The following CDH8 variants were observed in gnomAD, a reference collection of about 807,000 sequenced individuals.
The protein encoded by CDH8 is cadherin 8, also known as cadherin-8.
In CDH8, 17 loss-of-function variants were observed where a neutral mutation model predicts 68.1. The ratio of observed to expected loss-of-function variants is 0.25; its 90% CI spans 0.17 to 0.37. CDH8 has a LOEUF of 0.37. CDH8 is among the 10% of genes least tolerant of loss of function. The pLI, the probability that CDH8 is intolerant of heterozygous loss-of-function variation, is 1.00. For synonymous variants in CDH8, 372 were observed against 365.1 expected, an observed-to-expected ratio of 1.02 and a Z score of -0.21; for missense variants, 763 against 999.3, an observed-to-expected ratio of 0.76 and a Z score of 3.19.
At chr16:61,660,433 A>C (rs1963533027) in intron 10 of CDH8, among the ~76,000 whole-genome samples, 1 of 152,024 alleles carries the variant, frequency 6.6e-6, no homozygotes, top group African/African-American at 2.4e-5. Context: ...AGAAAAAAAG[A>C]ATAAAGAGAA....
At chr16:61,959,982 GTGTATATATATA>G (rs1259221259) in intron 2 of CDH8, among the ~76,000 whole-genome samples, 3 of 31,066 alleles carry the variant, frequency 9.7e-5, no homozygotes, top group East Asian at 1.2e-3. Flanking sequence ...GTGTGTGTGT[GTGTATATATATA>G]TATATATATA....
chr16:61,713,786 G>T, intron 10 of CDH8, 55 bp downstream of exon 10: 2 of 907,884 alleles, frequency 2.2e-6, no homozygotes, highest in Non-Finnish European at 3.6e-6. Flanking sequence ...TTATGAAATT[G>T]CATCCTATTT....
At chr16:61,654,960 G>T (rs1345255538) in intron 11 of CDH8, among the ~76,000 whole-genome samples, 1 of 152,158 alleles carries the variant, frequency 6.6e-6, no homozygotes, top group African/African-American at 2.4e-5. Flanking sequence ...TTAAATTGAT[G>T]TTTATATGAA....
rs112588981 is a variant in CDH8 at position 62,005,475 on chromosome 16, C to T, written c.252+15677G>A. On this transcript the variant is annotated intron_variant, in intron 2 of 11. Transcript: ENST00000577390. ...CAGGGAGGCCGGGTGCTGTGGCTCA[C>T]GCCTGTAATCCCAGCACTTTGGGAG... Among the ~76,000 whole-genome samples, 1,133 of 150,008 alleles carry T rather than the reference C, an allele frequency of 7.6e-3. 12 individuals are homozygous for T. The highest frequency in any genetic ancestry group is 0.025 in the African/African-American group (1,013 of 40,800).
At chr16:61,673,585 T>C (rs978661574) in intron 10 of CDH8, among the ~76,000 whole-genome samples, 1 of 152,132 alleles carries the variant, frequency 6.6e-6, no homozygotes, top group Non-Finnish European at 1.5e-5. Context: ...GTACAATAAG[T>C]ATAACTCATG....
intron 8 of CDH8, among the ~76,000 whole-genome samples, chr16:61,729,335 T>C (rs1010678492): frequency 6.6e-6 from 1 of 151,294 alleles, no homozygotes; most frequent in Admixed American, 6.6e-5. Flanking sequence ...TAATTACTAC[T>C]ATCTCCTCAA....
chr16:61,835,805 T>C (rs953931476), intron 4 of CDH8, among the ~76,000 whole-genome samples: 6 of 151,994 alleles, frequency 3.9e-5, no homozygotes, highest in African/African-American at 1.2e-4. Context: ...CACTACAAAA[T>C]TGGATGCTTT....
At chr16:61,865,028 C>T (rs1370094398) in intron 3 of CDH8, among the ~76,000 whole-genome samples, 3 of 152,102 alleles carry the variant, frequency 2.0e-5, no homozygotes, top group African/African-American at 7.2e-5. Flanking sequence ...CCCTATCTTT[C>T]TTTTTTTGCA....
At position 62,012,506 on chromosome 16, in the gene CDH8, A is replaced by G. The variant is rs186590399; in HGVS notation, c.252+8646T>C. ...GGTGTAGTTTTTAAAACGAGATTCT[A>G]TTTACCAAATTTGTTTTACATTAAG... On this transcript the variant is annotated intron_variant, in intron 2 of 11. Coordinates refer to ENST00000577390, the MANE Select transcript of CDH8 (RefSeq NM_001796.5). Among the ~76,000 whole-genome samples, 3 of 152,288 alleles carry G rather than the reference A, an allele frequency of 2.0e-5. No individual in the cohort carries two copies. The East Asian group carries it at 5.8e-4, about 29-fold the overall frequency.
At position 61,857,132 on chromosome 16, in the gene CDH8, A is replaced by G; in HGVS notation, c.654T>C (p.Ile218=). The G allele has an allele frequency of 6.2e-7, 1 of 1,613,636 alleles. No homozygotes were observed. Among genetic ancestry groups the G allele is most frequent in the South Asian group, 1.1e-5 (1 of 91,076 alleles). The change falls in exon 4 of 12, where the codon ATT becomes ATC. Residue 218 remains isoleucine, a synonymous_variant. Transcript: ENST00000577390. ...SILEGQPYFS[I]EPETAIIKTA... is the part of the protein sequence containing the mutation. ...TAGGCCACAAACCTGTTTCAGGCTC[A>G]ATGGAAAAATAAGGCTGCCCTTCCA... is the stretch of plus-strand genomic sequence containing the variant.
At chr16:61,718,535 A>C (rs1288168765) in intron 9 of CDH8, among the ~76,000 whole-genome samples, 1 of 151,344 alleles carries the variant, frequency 6.6e-6, no homozygotes, top group Non-Finnish European at 1.5e-5. Context: ...AAAGGAAGGG[A>C]AGTTACGGTC....
chr16:61,841,221 C>A (rs1479074145), intron 4 of CDH8, among the ~76,000 whole-genome samples: 2 of 152,116 alleles, frequency 1.3e-5, no homozygotes, highest in African/African-American at 4.8e-5. Context: ...TGGGTATATA[C>A]CCAGCAGTAG....
intron 8 of CDH8, among the ~76,000 whole-genome samples, chr16:61,749,353 T>C (rs1457039202): frequency 2.0e-5 from 3 of 152,114 alleles, no homozygotes; most frequent in African/African-American, 4.8e-5. Flanking sequence ...ATACTTCCTA[T>C]ATTTATATAC....
At chr16:61,992,077 T>TGTGTGTGTGTGTGTGTGAGAGAGA (rs34925928) in intron 2 of CDH8, among the ~76,000 whole-genome samples, 7 of 144,244 alleles carry the variant, frequency 4.9e-5, no homozygotes, top group African/African-American at 1.6e-4. Context: ...TGTGTGTGTG[T>TGTGTGTGTGTGTGTGTGAGAGAGA]GAGAGAGAGA....
chr16:61,981,568 CT>C (rs1212579801), intron 2 of CDH8, among the ~76,000 whole-genome samples: 1 of 152,134 alleles, frequency 6.6e-6, no homozygotes, highest in African/African-American at 2.4e-5. Context: ...AGAGTAATCC[CT>C]TCACTTTTTG....
chr16:61,675,299 GGGACAT>G (rs1245694435), intron 10 of CDH8, among the ~76,000 whole-genome samples: 4 of 151,894 alleles, frequency 2.6e-5, no homozygotes, highest in Non-Finnish European at 5.9e-5. Context: ...ATCCTTTGTA[GGGACAT>G]GGATGAAATT....
chr16:61,769,615 C>G (rs1460748522), intron 8 of CDH8, among the ~76,000 whole-genome samples: 2 of 150,524 alleles, frequency 1.3e-5, no homozygotes, highest in African/African-American at 4.9e-5. Flanking sequence ...TTCAGAGGTA[C>G]AATTACAATA....
At chr16:61,777,966 A>G (rs1960943422) in intron 8 of CDH8, among the ~76,000 whole-genome samples, 1 of 152,056 alleles carries the variant, frequency 6.6e-6, no homozygotes, top group South Asian at 2.1e-4. Context: ...AAGAACATTG[A>G]TCTCCAGCTT....
intron 3 of CDH8, among the ~76,000 whole-genome samples, chr16:61,867,794 T>C (rs955351886): frequency 2.6e-5 from 4 of 152,182 alleles, no homozygotes; most frequent in Non-Finnish European, 5.9e-5. Flanking sequence ...CTAAGTTGAA[T>C]CATTCCCTCT....
Sources: gnomAD v4.1 joint callset for allele counts (sites outside exome capture counted in the v4.1 genomes callset) on GRCh38, gnomAD v4.1.1 for gene constraint, MANE v1.5 for transcripts, NCBI Gene and HGNC (gene_info 2026-07-23, HGNC 2026-07-21) for gene names.